Variants in SERPINB12 observed in about 807,000 individuals in gnomAD.
SERPINB12 encodes the protein serpin B12.
SERPINB12 carries 57 observed loss-of-function variants against 41.1 expected under a neutral mutation model. The ratio of observed to expected loss-of-function variants is 1.39; its 90% CI spans 1.12 to 1.73. The LOEUF (loss-of-function observed/expected upper bound fraction) is 1.73, where lower values mean the gene tolerates loss of function less well. SERPINB12 is among the 40% of genes most tolerant of loss of function. The probability of loss-of-function intolerance (pLI) is 0.00; values close to 1 mark genes in which losing one functional copy is unlikely to be tolerated. For missense variants in SERPINB12, 536 were observed against 501.9 expected, an observed-to-expected ratio of 1.07 and a Z score of -0.65; for synonymous variants, 180 against 181.3, an observed-to-expected ratio of 0.99 and a Z score of 0.06.
intron 1 of SERPINB12, among the ~76,000 whole-genome samples, chr18:63,551,612 G>A (rs1009864279): frequency 2.0e-5 from 3 of 152,156 alleles, no homozygotes; most frequent in African/African-American, 7.2e-5. Flanking sequence ...TTATTCTGCT[G>A]ATGATGGACA....
chr18:63,549,456 A>G (rs1910468588), intron 1 of SERPINB12, among the ~76,000 whole-genome samples: 1 of 152,170 alleles, frequency 6.6e-6, no homozygotes, highest in Non-Finnish European at 1.5e-5. Flanking sequence ...AGAACTGCTT[A>G]TCTTCTCTTT....
the SERPINB12 span, among the ~76,000 whole-genome samples, chr18:63,525,635 T>C: frequency 6.7e-6 from 1 of 150,258 alleles, no homozygotes; most frequent in African/African-American, 2.4e-5. Context: ...TACTTTAACA[T>C]TTCAAATTAC....
chr18:63,537,352 T>C, the SERPINB12 span, among the ~76,000 whole-genome samples: 1 of 152,188 alleles, frequency 6.6e-6, no homozygotes, highest in East Asian at 1.9e-4. Flanking sequence ...GCACTGCACC[T>C]AGTACACCTT....
intron 1 of SERPINB12, among the ~76,000 whole-genome samples, chr18:63,547,208 A>G (rs1910407175): frequency 6.6e-6 from 1 of 152,190 alleles, no homozygotes; most frequent in African/African-American, 2.4e-5. Context: ...CCTGATGTAT[A>G]TGATTGATTT....
At chr18:63,527,994 C>G in the SERPINB12 span, among the ~76,000 whole-genome samples, 12 of 152,168 alleles carry the variant, frequency 7.9e-5, no homozygotes, top group East Asian at 2.3e-3. Context: ...TTTCCCTGCA[C>G]AAGCTCACTC....
At position 63,556,063 on chromosome 18, in the gene SERPINB12, G is replaced by A. The variant is rs1111283; in HGVS notation, c.-18-79G>A. On this transcript the variant is annotated intron_variant, in intron 1 of 7. Coordinates refer to ENST00000382768, the MANE Select transcript of SERPINB12 (RefSeq NM_001307928.2). Reference sequence around the variant, plus strand: ...AATAATTGTGCATGATTGTATTTCAGGTATGTAAAATAAAATTGTTTGTTC... The same window carrying A: ...AATAATTGTGCATGATTGTATTTCAAGTATGTAAAATAAAATTGTTTGTTC... 7,752 of 999,554 alleles carry A rather than the reference G, an allele frequency of 7.8e-3. 398 individuals carry two copies. The African/African-American group carries it at 0.11, about 14-fold the overall frequency. The allele number at this position is 999,554 out of a possible 1,614,324, so 61.9% of individuals were successfully genotyped here.
At chr18:63,544,255 T>A (rs1445753026) in intron 1 of SERPINB12, among the ~76,000 whole-genome samples, 1 of 152,198 alleles carries the variant, frequency 6.6e-6, no homozygotes, top group Non-Finnish European at 1.5e-5. Context: ...GGATTTGGCC[T>A]GCAGGCTGTA....
At chr18:63,561,237 G>C in intron 5 of SERPINB12, 35 bp downstream of exon 5, 1 of 1,354,196 alleles carries the variant, frequency 7.4e-7, no homozygotes, top group Non-Finnish European at 1.1e-6. Flanking sequence ...GCTGGTATTG[G>C]TTTCCATTTA....
At chr18:63,527,169 T>G in the SERPINB12 span, among the ~76,000 whole-genome samples, 12 of 152,194 alleles carry the variant, frequency 7.9e-5, no homozygotes, top group Non-Finnish European at 1.5e-4. Context: ...AGTAACAAAT[T>G]TTCCTTTGTT....
intron 1 of SERPINB12, among the ~76,000 whole-genome samples, chr18:63,545,376 A>G (rs1368466531): frequency 6.6e-6 from 1 of 152,138 alleles, no homozygotes; most frequent in Non-Finnish European, 1.5e-5. Context: ...TAAAGTACCA[A>G]ATGCAGCTTG....
At chr18:63,548,707 A>G (rs1453514609) in intron 1 of SERPINB12, among the ~76,000 whole-genome samples, 3 of 152,056 alleles carry the variant, frequency 2.0e-5, no homozygotes, top group Admixed American at 1.3e-4. Context: ...AAAAGAACAC[A>G]TGGAGAAACA....
At chr18:63,520,961 G>A in the SERPINB12 span, among the ~76,000 whole-genome samples, 1 of 152,196 alleles carries the variant, frequency 6.6e-6, no homozygotes, top group Non-Finnish European at 1.5e-5. Context: ...GTTGAGGCAA[G>A]GAGAAATTTT....
At chr18:63,560,990 T>C in intron 4 of SERPINB12, 95 bp from the exon 5 acceptor site, 2 of 788,382 alleles carry the variant, frequency 2.5e-6, no homozygotes, top group Non-Finnish European at 4.3e-6. Context: ...CAGGCTCATC[T>C]TTCTTGGGAG....
rs750733598 is a variant in SERPINB12, at chr18:63,563,853, G to T, written c.563-125G>T. On this transcript the variant is annotated intron_variant, in intron 5 of 7. Coordinates refer to ENST00000382768, the MANE Select transcript of SERPINB12 (RefSeq NM_001307928.2). The stretch of plus-strand genomic sequence containing the variant: ...AGAGGTTGCAGTGAGCAGGGATCAC[G>T]CCATTGCACTCCAGCCTGGGAGACA... 50 of 838,574 alleles carry T rather than the reference G, an allele frequency of 6.0e-5. No homozygotes were observed. The Admixed American group carries it at 1.3e-3, about 22-fold the overall frequency. 51.9% of individuals were successfully genotyped at this position (838,574 alleles called of 1,614,324 possible). A position where few individuals can be genotyped will look rare whatever the true frequency, so the allele number is the denominator to read the frequency against.
the SERPINB12 span, among the ~76,000 whole-genome samples, chr18:63,531,106 A>T: frequency 3.3e-5 from 5 of 152,176 alleles, no homozygotes; most frequent in Non-Finnish European, 7.4e-5. Context: ...TGCTTGCTTA[A>T]ATGTGCAGGA....
intron 1 of SERPINB12, among the ~76,000 whole-genome samples, chr18:63,543,087 C>G (rs1910308512): frequency 6.6e-6 from 1 of 152,144 alleles, no homozygotes; most frequent in Admixed American, 6.6e-5. Context: ...AGGCCTTCTC[C>G]AAGTCCTTGT....
At chr18:63,551,688 A>T (rs1028638886) in intron 1 of SERPINB12, among the ~76,000 whole-genome samples, 1 of 152,164 alleles carries the variant, frequency 6.6e-6, no homozygotes. Flanking sequence ...TACATATTTT[A>T]AAAAAATTCT....
the SERPINB12 span, among the ~76,000 whole-genome samples, chr18:63,527,879 G>C: frequency 6.6e-6 from 1 of 152,170 alleles, no homozygotes; most frequent in Admixed American, 6.5e-5. Context: ...TGTTGTGGGA[G>C]GGATCTGGTG....
At chr18:63,527,039 C>T in the SERPINB12 span, among the ~76,000 whole-genome samples, 2 of 152,136 alleles carry the variant, frequency 1.3e-5, no homozygotes, top group African/African-American at 4.8e-5. Flanking sequence ...ATATTATAAT[C>T]GTATGAAACC....
Sources: allele counts gnomAD v4.1 joint callset (sites outside exome capture counted in the v4.1 genomes callset), GRCh38; gene constraint gnomAD v4.1.1; transcripts MANE v1.5; gene names NCBI Gene and HGNC (gene_info 2026-07-23, HGNC 2026-07-21).